The following CLSTN2 variants were observed in gnomAD, a reference collection of about 807,000 sequenced individuals.
CLSTN2 encodes the protein calsyntenin-2.
A neutral mutation model predicts 101.2 loss-of-function variants in CLSTN2; 48 were observed. The observed-to-expected ratio is 0.47, with a 90% CI of 0.38 to 0.60. CLSTN2 has a LOEUF of 0.60. Among genes scored for constraint, CLSTN2 ranks in the 20% least tolerant of loss-of-function variants. The pLI, the probability that CLSTN2 is intolerant of heterozygous loss-of-function variation, is 0.00. For missense variants in CLSTN2, 1,160 were observed against 1,238.2 expected (o/e 0.94, Z 0.95); for synonymous variants, 481 against 463.6 (o/e 1.04, Z -0.48).
chr3:140,425,790 G>T (rs1364714370), intron 5 of CLSTN2, among the ~76,000 whole-genome samples: 1 of 152,180 alleles, frequency 6.6e-6, no homozygotes, highest in Non-Finnish European at 1.5e-5. Flanking sequence ...TGTATTCTGA[G>T]GTTTTAACTC....
chr3:139,978,901 T>C lies in CLSTN2; in HGVS notation c.109+43418T>C, dbSNP rs1935867073. On this transcript the variant is annotated intron_variant, in intron 1 of 16. Coordinates refer to ENST00000458420, the MANE Select transcript of CLSTN2 (RefSeq NM_022131.3). ...AGTGGAACATGGGGCAGAGGGAAGA[T>C]TCAGGATAAATGCTATGTTTTGGCA... Among the ~76,000 whole-genome samples, 3 of 152,196 alleles carry C rather than the reference T, an allele frequency of 2.0e-5. 1 individual carries two copies. The highest frequency in any genetic ancestry group is 7.2e-5 in the African/African-American group (3 of 41,450).
chr3:139,978,197 A>G (rs920965412), intron 1 of CLSTN2, among the ~76,000 whole-genome samples: 1 of 152,162 alleles, frequency 6.6e-6, no homozygotes, highest in African/African-American at 2.4e-5. Flanking sequence ...GTCTAACAAA[A>G]CCAAGTATCT....
At chr3:140,094,680 A>G (rs2008838631) in intron 1 of CLSTN2, among the ~76,000 whole-genome samples, 1 of 152,194 alleles carries the variant, frequency 6.6e-6, no homozygotes, top group Admixed American at 6.5e-5. Context: ...TGCAATACTA[A>G]TAGTGTATCC....
intron 1 of CLSTN2, among the ~76,000 whole-genome samples, chr3:140,117,046 C>T (rs966513078): frequency 1.3e-5 from 2 of 152,096 alleles, no homozygotes; most frequent in African/African-American, 2.4e-5. Context: ...GGGAGGGGGA[C>T]AGTTTGCTAG....
chr3:140,039,110 C>T (rs966752685), intron 1 of CLSTN2, among the ~76,000 whole-genome samples: 1 of 152,132 alleles, frequency 6.6e-6, no homozygotes, highest in African/African-American at 2.4e-5. Context: ...GCATAATAGT[C>T]CATCACTTAC....
At chr3:140,098,196 G>A (rs973410082) in intron 1 of CLSTN2, among the ~76,000 whole-genome samples, 1 of 152,272 alleles carries the variant, frequency 6.6e-6, no homozygotes. Flanking sequence ...GCAAACCACA[G>A]TAAGTATCAC....
intron 2 of CLSTN2, among the ~76,000 whole-genome samples, chr3:140,330,792 C>G (rs951443852): frequency 6.6e-6 from 1 of 152,212 alleles, no homozygotes; most frequent in Non-Finnish European, 1.5e-5. Flanking sequence ...CTGTGCACAT[C>G]TAACCTGGAC....
chr3:140,135,161 T>TATATATAA (rs1553801612), intron 1 of CLSTN2, among the ~76,000 whole-genome samples: 4 of 98,886 alleles, frequency 4.0e-5, no homozygotes, highest in African/African-American at 1.3e-4. Context: ...TATATATATA[T>TATATATAA]AAAATATGCT....
At chr3:140,087,318 C>T (rs1216212238) in intron 1 of CLSTN2, among the ~76,000 whole-genome samples, 5 of 152,094 alleles carry the variant, frequency 3.3e-5, no homozygotes, top group Admixed American at 6.6e-5. Context: ...AGGTATACAT[C>T]GAGGATCAGG....
At chr3:140,138,251 C>A (rs897044370) in intron 1 of CLSTN2, among the ~76,000 whole-genome samples, 1 of 152,188 alleles carries the variant, frequency 6.6e-6, no homozygotes, top group Non-Finnish European at 1.5e-5. Context: ...GACCAAGTAC[C>A]TTGCAGAAAG....
At chr3:140,365,686 A>C (rs530150341) in intron 2 of CLSTN2, among the ~76,000 whole-genome samples, 1 of 152,180 alleles carries the variant, frequency 6.6e-6, no homozygotes, top group Admixed American at 6.5e-5. Context: ...CCCTGGGGTT[A>C]AGCTTCCTCC....
At chr3:140,226,013 T>A (rs543002622) in intron 2 of CLSTN2, among the ~76,000 whole-genome samples, 321 of 152,288 alleles carry the variant, frequency 2.1e-3, no homozygotes, top group African/African-American at 7.5e-3. Flanking sequence ...ATAGCTTTCC[T>A]AGGGTGTGAA....
At chr3:140,043,526 T>C (rs1372168552) in intron 1 of CLSTN2, among the ~76,000 whole-genome samples, 1 of 152,240 alleles carries the variant, frequency 6.6e-6, no homozygotes, top group Non-Finnish European at 1.5e-5. Context: ...CTCTTTAGTT[T>C]AATTAGATCC....
Position 140,130,348 on chromosome 3 carries a change from A to G in CLSTN2, c.110-45603A>G, listed in dbSNP as rs372344185. 4.6e-5 allele frequency among the ~76,000 whole-genome samples: 7 copies of G among 152,310 alleles called. No individual in the cohort carries two copies. In the South Asian group the frequency reaches 1.2e-3, roughly 27 times the overall value. On this transcript the variant is annotated intron_variant, in intron 1 of 16. Coordinates refer to ENST00000458420, the MANE Select transcript of CLSTN2 (RefSeq NM_022131.3). ...GGAAAGAAGCTGTTGTAACATGCAC[A>G]CAGCTGTTAGCTTAAGAACATGTTA...
intron 2 of CLSTN2, among the ~76,000 whole-genome samples, chr3:140,184,272 G>A (rs2010453385): frequency 6.6e-6 from 1 of 152,170 alleles, no homozygotes; most frequent in Non-Finnish European, 1.5e-5. Flanking sequence ...TTTTCACACT[G>A]CTATGTAAAG....
At chr3:140,252,477 A>C (rs2086572676) in intron 2 of CLSTN2, among the ~76,000 whole-genome samples, 1 of 152,190 alleles carries the variant, frequency 6.6e-6, no homozygotes, top group Non-Finnish European at 1.5e-5. Flanking sequence ...GCATGTTAAC[A>C]AGCTCTCTGC....
chr3:140,440,514 A>G (rs887813842), intron 5 of CLSTN2, among the ~76,000 whole-genome samples: 1 of 152,214 alleles, frequency 6.6e-6, no homozygotes, highest in Non-Finnish European at 1.5e-5. Context: ...ATGTAATTTA[A>G]TGCTCAAAAA....
intron 2 of CLSTN2, among the ~76,000 whole-genome samples, chr3:140,240,205 C>T (rs377068412): frequency 0.31 from 7,731 of 24,770 alleles, 1,041 homozygotes; most frequent in East Asian, 0.56. Flanking sequence ...TATATACACA[C>T]ACACACACAC....
intron 1 of CLSTN2, among the ~76,000 whole-genome samples, chr3:140,144,196 A>C (rs1262853357): frequency 5.9e-5 from 9 of 152,208 alleles, no homozygotes; most frequent in African/African-American, 2.2e-4. Context: ...GACAGGTAAA[A>C]ATTCTGAGGG....
Sources: allele counts gnomAD v4.1 joint callset (sites outside exome capture counted in the v4.1 genomes callset), GRCh38; gene constraint gnomAD v4.1.1; transcripts MANE v1.5; gene names NCBI Gene and HGNC (gene_info 2026-07-23, HGNC 2026-07-21).